ASCC3: variants seen among roughly 807,000 people sequenced by gnomAD.
ASCC3 encodes the protein ASC-1 complex subunit P200.
In ASCC3, 158 loss-of-function variants were observed where a neutral mutation model predicts 256.3. The observed-to-expected ratio is 0.62, with a 90% CI of 0.54 to 0.70. The LOEUF is 0.70. Among genes scored for constraint, ASCC3 ranks in the 30% least tolerant of loss-of-function variants. The probability of loss-of-function intolerance (pLI) is 0.00; values close to 1 mark genes in which losing one functional copy is unlikely to be tolerated. For synonymous variants in ASCC3, 948 were observed against 883.4 expected, an observed-to-expected ratio of 1.07 and a Z score of -1.30; for missense variants, 2,259 against 2,626.0, an observed-to-expected ratio of 0.86 and a Z score of 3.05.
At chr6:100,519,209 G>A (rs1408938084) in intron 37 of ASCC3, among the ~76,000 whole-genome samples, 1 of 151,960 alleles carries the variant, frequency 6.6e-6, no homozygotes, top group Admixed American at 6.6e-5. Context: ...AAAAACATCT[G>A]GTTAAACGAA....
chr6:100,579,649 G>A (rs531434510), intron 36 of ASCC3, among the ~76,000 whole-genome samples: 9 of 152,028 alleles, frequency 5.9e-5, no homozygotes, highest in Non-Finnish European at 8.8e-5. Context: ...TAGATGTGTT[G>A]CTTCACTTCT....
chr6:100,662,835 T>A (rs1776290453), intron 14 of ASCC3, among the ~76,000 whole-genome samples: 1 of 152,086 alleles, frequency 6.6e-6, no homozygotes, highest in Admixed American at 6.6e-5. Flanking sequence ...TTTCTTAGCC[T>A]TCAAAATATA....
chr6:100,613,510 A>G (rs894603733), intron 30 of ASCC3, among the ~76,000 whole-genome samples: 7 of 151,968 alleles, frequency 4.6e-5, no homozygotes, highest in Admixed American at 3.3e-4. Flanking sequence ...ATAGTATTCT[A>G]TTTTGTATAT....
rs180866111 is a variant in ASCC3, at chr6:100,701,545, G to A, written c.2151+13917C>T. On this transcript the variant is annotated intron_variant, in intron 13 of 41. Coordinates refer to ENST00000369162, the MANE Select transcript of ASCC3 (RefSeq NM_006828.4). ...AAAATGGACTAATACAGTGCCTAAC[G>A]GTGCATTTCTCAGAATGCATCCCCA... is the stretch of plus-strand genomic sequence containing the variant. 3.9e-4 allele frequency among the ~76,000 whole-genome samples: 60 copies of A among 152,158 alleles called. 1 individual carries two copies. The highest frequency in any genetic ancestry group is 1.0e-3 in the African/African-American group (42 of 41,506).
At chr6:100,799,365 A>G (rs1380435724) in intron 7 of ASCC3, 66 bp downstream of exon 7, 1 of 1,570,390 alleles carries the variant, frequency 6.4e-7, no homozygotes, top group African/African-American at 1.4e-5. Context: ...GGAACAGGGA[A>G]AATCCACACA....
At chr6:100,529,227 C>T (rs1489434939) in intron 37 of ASCC3, among the ~76,000 whole-genome samples, 4 of 152,054 alleles carry the variant, frequency 2.6e-5, no homozygotes, top group African/African-American at 4.8e-5. Flanking sequence ...TATTATAGGG[C>T]TATCTTATAA....
At chr6:100,877,752 T>G (rs1209864971) in intron 1 of ASCC3, among the ~76,000 whole-genome samples, 1 of 152,190 alleles carries the variant, frequency 6.6e-6, no homozygotes, top group African/African-American at 2.4e-5. Context: ...ATTTCAGGTA[T>G]TGAATATCTG....
chr6:100,630,162 T>A (rs1003187635), intron 26 of ASCC3, among the ~76,000 whole-genome samples: 2 of 152,148 alleles, frequency 1.3e-5, no homozygotes, highest in African/African-American at 4.8e-5. Flanking sequence ...GTGCCAAGGT[T>A]ACAGGCATGA....
At chr6:100,539,949 A>G (rs1333541616) in intron 37 of ASCC3, among the ~76,000 whole-genome samples, 3 of 152,152 alleles carry the variant, frequency 2.0e-5, no homozygotes, top group African/African-American at 7.2e-5. Flanking sequence ...GTTTGCCTTC[A>G]ATATGTTTTA....
At chr6:100,877,381 T>C (rs1447554003) in intron 1 of ASCC3, among the ~76,000 whole-genome samples, 1 of 152,146 alleles carries the variant, frequency 6.6e-6, no homozygotes, top group Non-Finnish European at 1.5e-5. Flanking sequence ...AAACCACACC[T>C]TGAAAAATGA....
chr6:100,561,459 A>T (rs909081147), intron 36 of ASCC3, among the ~76,000 whole-genome samples: 6 of 151,418 alleles, frequency 4.0e-5, no homozygotes, highest in Admixed American at 6.6e-5. Context: ...CATGATTTAT[A>T]AAAAAAAACA....
chr6:100,655,956 G>A, intron 16 of ASCC3, 138 bp from the exon 17 acceptor site: 1 of 902,628 alleles, frequency 1.1e-6, no homozygotes, highest in South Asian at 1.5e-5. Context: ...ATAGTGACTG[G>A]ACACAACACT....
chr6:100,827,711 G>T (rs529385987), intron 4 of ASCC3, among the ~76,000 whole-genome samples: 1 of 152,044 alleles, frequency 6.6e-6, no homozygotes, highest in Admixed American at 6.5e-5. Context: ...ATGCTAACAG[G>T]ATACTACTAT....
At chr6:100,627,462 A>G in intron 29 of ASCC3, 128 bp downstream of exon 29, 1 of 1,244,488 alleles carries the variant, frequency 8.0e-7, no homozygotes, top group Non-Finnish European at 1.1e-6. Context: ...AGTTGAGACA[A>G]ACAGTTTTAG....
At chr6:100,799,136 A>C (rs1769784772) in intron 7 of ASCC3, among the ~76,000 whole-genome samples, 1 of 152,090 alleles carries the variant, frequency 6.6e-6, no homozygotes, top group Non-Finnish European at 1.5e-5. Context: ...TATTCATATA[A>C]TTAGGAAAAT....
At chr6:100,858,527 G>A (rs1773069665) in intron 3 of ASCC3, 1 of 923,688 alleles carries the variant, frequency 1.1e-6, no homozygotes, top group Non-Finnish European at 1.3e-6. Context: ...CATAAGTAAT[G>A]TTAGATATTC....
chr6:100,851,577 A>G (rs1218059493), intron 3 of ASCC3, among the ~76,000 whole-genome samples: 1 of 152,204 alleles, frequency 6.6e-6, no homozygotes, highest in African/African-American at 2.4e-5. Flanking sequence ...TTTAATAACC[A>G]TTAACTTAAA....
intron 33 of ASCC3, among the ~76,000 whole-genome samples, chr6:100,604,570 C>G (rs1178650980): frequency 1.3e-5 from 2 of 151,774 alleles, no homozygotes; most frequent in Non-Finnish European, 2.9e-5. Context: ...CCTGCTGCCT[C>G]AGGACCACAT....
At chr6:100,816,182 GA>G (rs1770735588) in intron 4 of ASCC3, among the ~76,000 whole-genome samples, 1 of 152,086 alleles carries the variant, frequency 6.6e-6, no homozygotes, top group Admixed American at 6.6e-5. Flanking sequence ...GATCATTAGA[GA>G]AATGAAAATC....
Sources: allele counts gnomAD v4.1 joint callset (sites outside exome capture counted in the v4.1 genomes callset), GRCh38; gene constraint gnomAD v4.1.1; transcripts MANE v1.5; gene names NCBI Gene and HGNC (gene_info 2026-07-23, HGNC 2026-07-21).